The following ZZEF1 variants were observed in gnomAD, a reference collection of about 807,000 sequenced individuals.
ZZEF1 encodes the protein zinc finger ZZ-type and EF-hand domain-containing protein 1.
ZZEF1 carries 157 observed loss-of-function variants against 342.8 expected under a neutral mutation model. The observed-to-expected ratio is 0.46, with a 90% CI of 0.40 to 0.52. The LOEUF (loss-of-function observed/expected upper bound fraction) is 0.52. Ranked by LOEUF, ZZEF1 falls within the 20% of genes least tolerant of loss-of-function variation. ZZEF1 has a pLI of 0.00. For synonymous variants in ZZEF1, 1,505 were observed against 1,429.1 expected, an observed-to-expected ratio of 1.05 and a Z score of -1.20; for missense variants, 3,480 against 3,725.6, an observed-to-expected ratio of 0.93 and a Z score of 1.72.
At chr17:4,043,735 C>A (rs998114486) in intron 38 of ZZEF1, among the ~76,000 whole-genome samples, 2 of 152,204 alleles carry the variant, frequency 1.3e-5, no homozygotes, top group African/African-American at 4.8e-5. Context: ...CTTCTCCGAA[C>A]GCCCATCCCT....
Position 4,142,774 on chromosome 17 carries a change from G to T in ZZEF1, c.122C>A (p.Ala41Asp). 1 of 1,431,888 alleles carries T rather than the reference G, an allele frequency of 7.0e-7. No individual in the cohort carries two copies. The highest frequency in any genetic ancestry group is 1.5e-5 in the African/African-American group (1 of 66,442). The allele number at this position is 1,431,888 out of a possible 1,614,324, so 88.7% of individuals were successfully genotyped here. ...CGCCGCGGCGGGTGGTAGCGCTGGA[G>T]CCGCGACGCCCGGGCCGGGGGTCGT... is the stretch of plus-strand genomic sequence containing the variant. ...SGTTPGPGVAAPALPPAAALL... is the reference protein window; with the variant it reads ...SGTTPGPGVADPALPPAAALL... Residue 41 changes from alanine to aspartate, a missense_variant, in exon 1 of 55, where the codon GCT becomes GAT. Physicochemically the swap from Ala to Asp is moderately radical, Grantham distance 126 (BLOSUM62 -2). This residue lies in a region of ZZEF1 where 416 missense variants were observed against 374.2 expected (regional missense o/e 1.11). Coordinates refer to ENST00000381638, the MANE Select transcript of ZZEF1 (RefSeq NM_015113.4).
At chr17:4,106,024 A>T (rs1597900277) in intron 6 of ZZEF1, among the ~76,000 whole-genome samples, 1 of 152,152 alleles carries the variant, frequency 6.6e-6, no homozygotes, top group East Asian at 1.9e-4. Context: ...ATCTCGGCTC[A>T]CTGCAACCTC....
In ZZEF1 at chr17:4,104,803, G is replaced by T; in HGVS notation, c.1403C>A (p.Ser468Tyr). 1 of 1,612,332 alleles carries T rather than the reference G, an allele frequency of 6.2e-7. No individual in the cohort carries two copies. Among genetic ancestry groups the T allele is most frequent in the South Asian group, 1.1e-5 (1 of 90,666 alleles). The change falls in exon 8 of 55, where the codon TCT becomes TAT. Residue 468 changes from serine (S) to tyrosine (Y), a missense_variant. Coordinates refer to ENST00000381638, the MANE Select transcript of ZZEF1 (RefSeq NM_015113.4). ...AAGAGTCAGTTCTACCTCTGGGGTA[G>T]AACAGCAGCTATAAGCAAAGAGCAA... ...SFLIRITSCC[S>Y]TPEVELTLLA...
intron 23 of ZZEF1, 78 bp downstream of exon 23, chr17:4,075,017 CCT>C: frequency 7.1e-7 from 1 of 1,416,322 alleles, no homozygotes; most frequent in South Asian, 1.2e-5. Flanking sequence ...AAAGACCTTA[CCT>C]CTACTGCCCC....
intron 26 of ZZEF1, among the ~76,000 whole-genome samples, chr17:4,069,379 T>A (rs956440601): frequency 4.6e-5 from 7 of 152,146 alleles, no homozygotes; most frequent in African/African-American, 1.7e-4. Context: ...CATAAATCAC[T>A]CATGTCTCAA....
rs2057830036 is a variant in ZZEF1 at position 4,086,581 on chromosome 17, C to T, written c.2417G>A (p.Gly806Glu). The T allele has an allele frequency of 6.2e-7, 1 of 1,614,190 alleles. No homozygotes were observed. Among genetic ancestry groups the T allele is most frequent in the Non-Finnish European group, 8.5e-7 (1 of 1,180,036 alleles). Residue 806 changes from glycine to glutamate, a missense_variant, in exon 15 of 55, where the codon GGA (glycine) becomes GAA (glutamate). By Grantham distance (98) the Gly-to-Glu change is moderately conservative. Around this residue, in one of 5 missense-constraint regions of ZZEF1, gnomAD observed 1,528 missense variants for 1,624.1 expected, o/e 0.94. Coordinates refer to ENST00000381638, the MANE Select transcript of ZZEF1 (RefSeq NM_015113.4). ...CTCCTCAGAAGCAGCCAGTACATCT[C>T]CCTGCAGCACAGAGAAGCAGCTCTG... ...LLQSCFSVLQ[G>E]DVLAASEEEK...
chr17:4,070,742 G>A lies in ZZEF1; in HGVS notation c.4017C>T (p.Ala1339=), dbSNP rs745648667. ...TGCGATACACCAGAGCAGCAAAGGT[G>A]GCGTTCACAGCTTGATCAATAGTGG... ...AGSTIDQAVN[A]TFAALVYRTP... The change falls in exon 26 of 55, where the codon GCC becomes GCT. Residue 1339 remains alanine (A), a synonymous_variant. Transcript: ENST00000381638. The A allele has an allele frequency of 8.1e-6, 13 of 1,614,098 alleles. No homozygotes were observed. Among genetic ancestry groups the A allele is most frequent in the Non-Finnish European group, 8.5e-7 (1 of 1,180,034 alleles).
chr17:4,128,221 G>GC (rs2058603560), intron 1 of ZZEF1, among the ~76,000 whole-genome samples: 1 of 151,596 alleles, frequency 6.6e-6, no homozygotes, highest in South Asian at 2.1e-4. Flanking sequence ...GGTGGCGCGT[G>GC]CATGTAATCC....
At chr17:4,135,178 A>C (rs2058728986) in intron 1 of ZZEF1, among the ~76,000 whole-genome samples, 1 of 152,186 alleles carries the variant, frequency 6.6e-6, no homozygotes, top group Non-Finnish European at 1.5e-5. Context: ...CAAATCTCTT[A>C]AAATATGTGC....
chr17:4,133,626 C>T (rs1223666618), intron 1 of ZZEF1, among the ~76,000 whole-genome samples: 1 of 152,172 alleles, frequency 6.6e-6, no homozygotes, highest in African/African-American at 2.4e-5. Flanking sequence ...ATCAAGCACT[C>T]CCTGCACCTC....
At chr17:4,122,357 A>G (rs2058496987) in intron 2 of ZZEF1, among the ~76,000 whole-genome samples, 1 of 152,076 alleles carries the variant, frequency 6.6e-6, no homozygotes. Flanking sequence ...CCAAAAAAAT[A>G]CAAAAACACA....
At chr17:4,041,765 T>C (rs2056808620) in intron 39 of ZZEF1, among the ~76,000 whole-genome samples, 1 of 152,060 alleles carries the variant, frequency 6.6e-6, no homozygotes, top group African/African-American at 2.4e-5. Context: ...ATACCTAAAC[T>C]GTTCAGGGTC....
At chr17:4,046,631 T>C (rs2056920116) in intron 37 of ZZEF1, among the ~76,000 whole-genome samples, 1 of 152,230 alleles carries the variant, frequency 6.6e-6, no homozygotes. Flanking sequence ...ACTGTAAGAC[T>C]GTCCTAAGAG....
chr17:4,087,719 TTCTAAAATATA>T (rs1179656961), intron 13 of ZZEF1, among the ~76,000 whole-genome samples, 185 bp from the exon 14 acceptor site: 3 of 151,784 alleles, frequency 2.0e-5, no homozygotes, highest in Non-Finnish European at 4.4e-5. Context: ...GTTTGAAACT[TTCTAAAATATA>T]TGTGTGTGTT....
chr17:4,130,552 G>A (rs530709652), intron 1 of ZZEF1, among the ~76,000 whole-genome samples: 5 of 152,200 alleles, frequency 3.3e-5, no homozygotes, highest in East Asian at 1.9e-4. Context: ...TGAAGAGACC[G>A]AAGTGCCCAT....
rs1597904950 is a variant in ZZEF1, at chr17:4,109,673, C to A, written c.1257G>T (p.Gln419His). 6.2e-7 allele frequency: 1 copy of A among 1,614,136 alleles called. No individual in the cohort carries two copies. The highest frequency in any genetic ancestry group is 1.7e-5 in the Admixed American group (1 of 60,012). ...CTTACTGAGTATTGTGCAGCACTGT[C>A]TGGACAAAGGCGGGATTTGTCTCCA... ...ASMETNPAFV[Q>H]TVLHNTQKAL... The change falls in exon 6 of 55, where the codon CAG (glutamine) becomes CAT (histidine). Residue 419 changes from glutamine to histidine, a missense_variant. Physicochemically the swap from Gln to His is conservative, Grantham distance 24. Coordinates refer to ENST00000381638, the MANE Select transcript of ZZEF1 (RefSeq NM_015113.4).
intron 6 of ZZEF1, among the ~76,000 whole-genome samples, chr17:4,108,817 T>C (rs2058251523): frequency 6.6e-6 from 1 of 152,182 alleles, no homozygotes; most frequent in African/African-American, 2.4e-5. Context: ...AAGAACAAGG[T>C]ATGGCCAACT....
intron 6 of ZZEF1, among the ~76,000 whole-genome samples, chr17:4,106,387 A>G (rs999120549): frequency 2.0e-5 from 3 of 151,702 alleles, no homozygotes; most frequent in Admixed American, 6.6e-5. Context: ...TCCAGCTTTC[A>G]TGTTAAGTAG....
intron 6 of ZZEF1, among the ~76,000 whole-genome samples, chr17:4,106,181 C>T (rs1015450288): frequency 1.3e-5 from 2 of 152,126 alleles, no homozygotes; most frequent in African/African-American, 2.4e-5. Context: ...CTCCTGACCT[C>T]GTGATCCACC....
Sources: allele counts gnomAD v4.1 joint callset (sites outside exome capture counted in the v4.1 genomes callset), GRCh38; gene constraint gnomAD v4.1.1; regional missense constraint gnomAD v4.1.1; transcripts MANE v1.5; gene names NCBI Gene and HGNC (gene_info 2026-07-23, HGNC 2026-07-21).